The following GRIA1 variants were observed in gnomAD, a reference collection of about 807,000 sequenced individuals.
The protein encoded by GRIA1 is glutamate receptor 1.
A neutral mutation model predicts 99.2 loss-of-function variants in GRIA1; 31 were observed. The ratio of observed to expected loss-of-function variants is 0.31; its 90% CI spans 0.23 to 0.42. The LOEUF is 0.42. Ranked by LOEUF, GRIA1 falls within the 10% of genes least tolerant of loss-of-function variation. The probability of loss-of-function intolerance (pLI) is 1.00; values close to 1 mark genes in which losing one functional copy is unlikely to be tolerated. For synonymous variants in GRIA1, 438 were observed against 432.4 expected, an observed-to-expected ratio of 1.01 and a Z score of -0.16; for missense variants, 782 against 1,157.5, an observed-to-expected ratio of 0.68 and a Z score of 4.71.
intron 2 of GRIA1, among the ~76,000 whole-genome samples, chr5:153,517,852 G>A (rs1315873837): frequency 6.6e-6 from 1 of 152,144 alleles, no homozygotes. Context: ...TAAACGTATT[G>A]AGCTGAACAT....
chr5:153,680,528 T>G lies in GRIA1; in HGVS notation c.1029+3367T>G, dbSNP rs144666560. On this transcript the variant is annotated intron_variant, in intron 7 of 15. Coordinates refer to ENST00000285900, the MANE Select transcript of GRIA1 (RefSeq NM_000827.4). The stretch of plus-strand genomic sequence containing the variant: ...TGCATATGTGTACATACATAATTTC[T>G]GCATGACCAGGAGTAGAGAGAACAT... 3.8e-3 allele frequency among the ~76,000 whole-genome samples: 573 copies of G among 152,310 alleles called. 2 individuals carry two copies. Among genetic ancestry groups the G allele is most frequent in the African/African-American group, 0.013 (534 of 41,574 alleles).
intron 2 of GRIA1, among the ~76,000 whole-genome samples, chr5:153,603,476 C>A (rs1410996702): frequency 2.0e-5 from 3 of 151,940 alleles, no homozygotes; most frequent in Non-Finnish European, 4.4e-5. Context: ...ATTTCTAGTT[C>A]TAGATCCCTG....
chr5:153,578,148 C>CAAAAAAAAAAAAAAAAAAAAAAAA (rs60901793), intron 2 of GRIA1, among the ~76,000 whole-genome samples: 6 of 69,308 alleles, frequency 8.7e-5, no homozygotes, highest in Non-Finnish European at 1.2e-4. Flanking sequence ...GAGACTCTGT[C>CAAAAAAAAAAAAAAAAAAAAAAAA]AAAAAAAAAA....
intron 2 of GRIA1, among the ~76,000 whole-genome samples, chr5:153,546,123 A>T (rs2113516946): frequency 6.6e-6 from 1 of 152,336 alleles, no homozygotes; most frequent in South Asian, 2.1e-4. Context: ...ATGTTTGAGG[A>T]TGAATTTGTA....
At chr5:153,611,653 C>T (rs1001655971) in intron 2 of GRIA1, among the ~76,000 whole-genome samples, 1 of 152,126 alleles carries the variant, frequency 6.6e-6, no homozygotes. Flanking sequence ...AAATTAAAGT[C>T]GGAGGCAGCT....
intron 2 of GRIA1, among the ~76,000 whole-genome samples, chr5:153,498,627 C>G (rs1323297504): frequency 1.3e-5 from 2 of 152,154 alleles, no homozygotes; most frequent in Non-Finnish European, 2.9e-5. Flanking sequence ...TTAGCTCTTG[C>G]CTGAACATGG....
intron 15 of GRIA1, 25 bp from the exon 16 acceptor site, chr5:153,811,000 A>G: frequency 6.3e-7 from 1 of 1,577,370 alleles, no homozygotes. Context: ...GGACCCGGGG[A>G]AGAACCCCCG....
chr5:153,585,299 C>CTCTT (rs1763377455), intron 2 of GRIA1, among the ~76,000 whole-genome samples: 4 of 70,140 alleles, frequency 5.7e-5, no homozygotes, highest in African/African-American at 2.5e-4. Flanking sequence ...TTCTCTCTCT[C>CTCTT]TTTTTTTTTT....
At chr5:153,795,887 C>G (rs1290372827) in intron 14 of GRIA1, among the ~76,000 whole-genome samples, 1 of 152,138 alleles carries the variant, frequency 6.6e-6, no homozygotes, top group Non-Finnish European at 1.5e-5. Context: ...ATGGCAAGTA[C>G]TCTTTGCTGT....
intron 5 of GRIA1, among the ~76,000 whole-genome samples, chr5:153,656,383 T>TATATATA (rs1754951606): frequency 5.4e-5 from 5 of 92,680 alleles, no homozygotes; most frequent in African/African-American, 2.1e-4. Context: ...ATAAGTTTGT[T>TATATATA]TATATATATA....
At chr5:153,590,676 C>T (rs1211424202) in intron 2 of GRIA1, among the ~76,000 whole-genome samples, 1 of 151,972 alleles carries the variant, frequency 6.6e-6, no homozygotes, top group African/African-American at 2.4e-5. Context: ...TACTTTACAC[C>T]TATATTTTCC....
intron 2 of GRIA1, among the ~76,000 whole-genome samples, chr5:153,561,683 A>G (rs1761139406): frequency 6.6e-6 from 1 of 152,234 alleles, no homozygotes; most frequent in Non-Finnish European, 1.5e-5. Flanking sequence ...TTGTTTATTT[A>G]TCAGAATGCC....
intron 2 of GRIA1, among the ~76,000 whole-genome samples, chr5:153,599,026 C>G (rs941798889): frequency 6.6e-6 from 1 of 152,118 alleles, no homozygotes; most frequent in African/African-American, 2.4e-5. Flanking sequence ...GAACTGCAGG[C>G]GCCCGCCACC....
intron 13 of GRIA1, among the ~76,000 whole-genome samples, chr5:153,777,834 C>T (rs747943001): frequency 1.3e-5 from 2 of 152,084 alleles, no homozygotes; most frequent in Non-Finnish European, 2.9e-5. Context: ...GCCTGTCTTC[C>T]CATAGTATAG....
At chr5:153,508,703 G>A (rs1755772866) in intron 2 of GRIA1, among the ~76,000 whole-genome samples, 1 of 152,172 alleles carries the variant, frequency 6.6e-6, no homozygotes, top group Admixed American at 6.5e-5. Flanking sequence ...GTGATAAATT[G>A]ACATGAAAAC....
intron 2 of GRIA1, among the ~76,000 whole-genome samples, chr5:153,631,174 A>G (rs1752936810): frequency 6.6e-6 from 1 of 152,246 alleles, no homozygotes; most frequent in South Asian, 2.1e-4. Context: ...TTGTCCTAAA[A>G]GGGGAACATC....
chr5:153,756,096 C>G (rs919914131), intron 11 of GRIA1, among the ~76,000 whole-genome samples: 1 of 152,214 alleles, frequency 6.6e-6, no homozygotes, highest in Non-Finnish European at 1.5e-5. Context: ...CAGTTTGGCT[C>G]CAGCCCCCCA....
intron 5 of GRIA1, 35 bp downstream of exon 5, chr5:153,655,907 C>G (rs754370949): frequency 3.1e-6 from 5 of 1,601,456 alleles, no homozygotes; most frequent in Non-Finnish European, 4.3e-6. Flanking sequence ...AGCTCAAGTC[C>G]TTTCCAGGTT....
At chr5:153,800,988 C>A (rs953538522) in intron 14 of GRIA1, among the ~76,000 whole-genome samples, 4 of 152,204 alleles carry the variant, frequency 2.6e-5, no homozygotes, top group African/African-American at 9.6e-5. Context: ...CCAATTGAGG[C>A]ATTTCATTTT....
Sources: allele counts gnomAD v4.1 joint callset (sites outside exome capture counted in the v4.1 genomes callset), GRCh38; gene constraint gnomAD v4.1.1; transcripts MANE v1.5; gene names NCBI Gene and HGNC (gene_info 2026-07-23, HGNC 2026-07-21).